Variants in VCF2 observed in about 807,000 individuals in gnomAD.
The protein encoded by VCF2 is VCP nuclear cofactor family member 2.
the VCF2 span, among the ~76,000 whole-genome samples, chrX:55,156,103 C>T: frequency 9.1e-6 from 1 of 109,918 alleles, no homozygotes; most frequent in African/African-American, 3.3e-5. Flanking sequence ...AGGTGCGCGC[C>T]ACCAAGCCTG....
At chrX:55,159,221 T>A in the VCF2 span, 10 of 1,197,891 alleles carry the variant, frequency 8.3e-6, no homozygotes, top group Admixed American at 4.5e-5. Context: ...CCATTTCTTC[T>A]TCTTTTCCTG....
chrX:55,147,090 T>C, the VCF2 span, among the ~76,000 whole-genome samples: 1,030 of 112,038 alleles, frequency 9.2e-3, 9 homozygotes, highest in African/African-American at 0.032. Flanking sequence ...TGTAAACAGT[T>C]GTTTCCAAGA....
the VCF2 span, chrX:55,160,717 AAC>A: frequency 1.4e-6 from 1 of 720,610 alleles, no homozygotes; most frequent in Non-Finnish European, 2.0e-6. Context: ...CAATCAGAGA[AAC>A]AGAAATACCA....
At chrX:55,154,122 TTA>T in the VCF2 span, among the ~76,000 whole-genome samples, 1 of 111,507 alleles carries the variant, frequency 9.0e-6, no homozygotes, top group Admixed American at 9.5e-5. Flanking sequence ...TTAATACACT[TTA>T]TTTTATTATT....
the VCF2 span, among the ~76,000 whole-genome samples, chrX:55,146,640 AC>A: frequency 2.9e-3 from 331 of 112,261 alleles, no homozygotes; most frequent in African/African-American, 0.01. Context: ...TATTCCAATA[AC>A]TGCATCAGAG....
At chrX:55,146,889 T>C in the VCF2 span, among the ~76,000 whole-genome samples, 439 of 112,697 alleles carry the variant, frequency 3.9e-3, 3 homozygotes, top group African/African-American at 0.013. Context: ...ATACATATCC[T>C]GAAAGGCATT....
chrX:55,151,480 G>C, the VCF2 span, among the ~76,000 whole-genome samples: 1 of 112,715 alleles, frequency 8.9e-6, no homozygotes, highest in Non-Finnish European at 1.9e-5. Flanking sequence ...CTGCGCCCAA[G>C]GCGTTGAAGT....
the VCF2 span, chrX:55,159,282 A>G: frequency 9.9e-7 from 1 of 1,009,753 alleles, no homozygotes. Context: ...GATCTTTTGG[A>G]TGCTTAAATT....
the VCF2 span, among the ~76,000 whole-genome samples, chrX:55,147,790 T>C: frequency 9.1e-6 from 1 of 109,965 alleles, no homozygotes; most frequent in African/African-American, 3.3e-5. Flanking sequence ...GCTGTGTACA[T>C]TAAAAATTCA....
the VCF2 span, among the ~76,000 whole-genome samples, chrX:55,150,369 G>T: frequency 9.0e-6 from 1 of 111,189 alleles, no homozygotes; most frequent in African/African-American, 3.3e-5. Context: ...TTCTCATAAG[G>T]AACACACAGC....
the VCF2 span, among the ~76,000 whole-genome samples, chrX:55,155,093 T>C: frequency 9.0e-6 from 1 of 111,272 alleles, no homozygotes; most frequent in Non-Finnish European, 1.9e-5. Context: ...GAGAGAGCAA[T>C]AAGAGCACAA....
chrX:55,145,801 A>G, the VCF2 span: 18 of 864,202 alleles, frequency 2.1e-5, no homozygotes, highest in Admixed American at 2.5e-4. Context: ...TATGGCTTCA[A>G]TGCACAGGAG....
the VCF2 span, among the ~76,000 whole-genome samples, chrX:55,150,482 G>C: frequency 9.0e-6 from 1 of 111,561 alleles, no homozygotes; most frequent in Non-Finnish European, 1.9e-5. Context: ...AGTATTTCTC[G>C]CTTGCCCACC....
chrX:55,159,323 ACTTGTCTG>A, the VCF2 span: 1 of 650,629 alleles, frequency 1.5e-6, no homozygotes. Context: ...ATATATGAGA[ACTTGTCTG>A]AAAAAATGTC....
At chrX:55,149,411 T>C in the VCF2 span, among the ~76,000 whole-genome samples, 1 of 111,622 alleles carries the variant, frequency 9.0e-6, no homozygotes, top group Non-Finnish European at 1.9e-5. Flanking sequence ...CAAGTCTTGC[T>C]AAATCTTAAA....
the VCF2 span, among the ~76,000 whole-genome samples, chrX:55,156,181 T>A: frequency 9.0e-6 from 1 of 111,358 alleles, no homozygotes; most frequent in Non-Finnish European, 1.9e-5. Flanking sequence ...CTTGAACTCC[T>A]GACCTCATGA....
chrX:55,146,285 G>A, the VCF2 span: 1 of 1,210,756 alleles, frequency 8.3e-7, no homozygotes. Flanking sequence ...TGCGGCTGCT[G>A]CTCCTTTCAT....
the VCF2 span, among the ~76,000 whole-genome samples, chrX:55,151,050 CTA>C: frequency 8.9e-6 from 1 of 112,373 alleles, no homozygotes; most frequent in East Asian, 2.8e-4. Flanking sequence ...ATTGGGTTAA[CTA>C]TGTTAGTGTG....
chrX:55,144,057 T>A, the VCF2 span, among the ~76,000 whole-genome samples: 5 of 111,752 alleles, frequency 4.5e-5, no homozygotes, highest in African/African-American at 1.6e-4. Context: ...ATTATTATTT[T>A]ACTTTGAAAA....
Sources: gnomAD v4.1 joint callset for allele counts (sites outside exome capture counted in the v4.1 genomes callset) on GRCh38, gnomAD v4.1.1 for gene constraint, MANE v1.5 for transcripts, NCBI Gene and HGNC (gene_info 2026-07-23, HGNC 2026-07-21) for gene names.